RNASET2: variants seen among roughly 807,000 people sequenced by gnomAD.
RNASET2 encodes the protein ribonuclease T2.
RNASET2 carries 28 observed loss-of-function variants against 33.9 expected under a neutral mutation model. That is an observed-to-expected ratio of 0.83 (90% confidence interval 0.61 to 1.13). The LOEUF (loss-of-function observed/expected upper bound fraction) is 1.13, where lower values mean the gene tolerates loss of function less well. Among genes scored for constraint, RNASET2 ranks in the 50% most tolerant of loss-of-function variants. The pLI is 0.00. For synonymous variants in RNASET2, 123 were observed against 121.0 expected (o/e 1.02, Z -0.11); for missense variants, 330 against 319.9 (o/e 1.03, Z -0.24).
In RNASET2 at chr6:166,924,992, G is replaced by A. The variant is rs867995369; in HGVS notation, c.*4596C>T. 2.0e-5 allele frequency among the ~76,000 whole-genome samples: 3 copies of A among 150,936 alleles called. No individual in the cohort carries two copies. Among genetic ancestry groups the A allele is most frequent in the East Asian group, 1.9e-4 (1 of 5,168 alleles). On this transcript the variant is annotated 3_prime_UTR_variant, in exon 9 of 9. Transcript: ENST00000508775. Reference sequence around the variant, plus strand: ...GAAGTACAGGCCTCACCTCCACCGCGCAGGCCTCATCTACGCCATCCAGCC... The same window carrying A: ...GAAGTACAGGCCTCACCTCCACCGCACAGGCCTCATCTACGCCATCCAGCC...
At chr6:166,931,457 CCAA>C (rs983717532) in intron 7 of RNASET2, 2 of 405,886 alleles carry the variant, frequency 4.9e-6, no homozygotes, top group Admixed American at 7.8e-5. Flanking sequence ...CCCTCATCCA[CCAA>C]CAACTACTCT....
rs930073930 is a variant in RNASET2 at position 166,927,730 on chromosome 6, A to G, written c.*1858T>C. Among the ~76,000 whole-genome samples the G allele has an allele frequency of 6.6e-6, 1 of 151,610 alleles. No homozygotes were observed. The highest frequency in any genetic ancestry group is 2.4e-5 in the African/African-American group (1 of 41,268). ...AAATGACTCAAAAAAAAAAAAAAAAAAAAAAAGAATTGACATCATTTAAAG... is the reference window on the plus strand; with the variant it reads ...AAATGACTCAAAAAAAAAAAAAAAAGAAAAAAGAATTGACATCATTTAAAG... On this transcript the variant is annotated 3_prime_UTR_variant, in exon 9 of 9. Coordinates refer to ENST00000508775, the MANE Select transcript of RNASET2 (RefSeq NM_003730.6).
intron 5 of RNASET2, among the ~76,000 whole-genome samples, chr6:166,939,850 C>A (rs1405584019): frequency 5.9e-5 from 9 of 152,186 alleles, no homozygotes; most frequent in Non-Finnish European, 7.3e-5. Context: ...AATTTGTATT[C>A]CAGAAAAATG....
At chr6:166,952,792 G>A (rs1172377022) in intron 1 of RNASET2, 3 of 480,210 alleles carry the variant, frequency 6.2e-6, no homozygotes, top group Non-Finnish European at 1.2e-5. Flanking sequence ...GGGGAGGAGG[G>A]GAGAGGAGGG....
chr6:166,938,988 T>C lies in RNASET2; in HGVS notation c.353A>G (p.His118Arg). 6.2e-7 allele frequency: 1 copy of C among 1,613,290 alleles called. No homozygotes were observed. The highest frequency in any genetic ancestry group is 8.5e-7 in the Non-Finnish European group (1 of 1,179,812). ...SRFWKHEWEKHGTCAAQVDAL... is the reference protein window; with the variant it reads ...SRFWKHEWEKRGTCAAQVDAL... Reference sequence around the variant, plus strand: ...ATCCACCTGGGCGGCGCAGGTCCCATGCTTTTCCCACTCATGCTTCCTGTG... The same window carrying C: ...ATCCACCTGGGCGGCGCAGGTCCCACGCTTTTCCCACTCATGCTTCCTGTG... The change falls in exon 6 of 9, where the codon CAT becomes CGT. Residue 118 changes from histidine to arginine, a missense_variant. Physicochemically the swap from His to Arg is conservative, Grantham distance 29. Transcript: ENST00000508775.
At chr6:166,941,019 T>C (rs1034228708) in intron 5 of RNASET2, among the ~76,000 whole-genome samples, 4 of 152,158 alleles carry the variant, frequency 2.6e-5, no homozygotes, top group Non-Finnish European at 5.9e-5. Context: ...CCAACCCCCA[T>C]GGAGTTAGTC....
chr6:166,956,249 AG>A lies in RNASET2; in HGVS notation c.-68del, dbSNP rs1779164089. The A allele has an allele frequency of 3.9e-5, 55 of 1,395,262 alleles. 1 individual carries two copies. The South Asian group carries it at 6.7e-4, about 17-fold the overall frequency. The allele number at this position is 1,395,262 out of a possible 1,614,324, so 86.4% of individuals were successfully genotyped here. The stretch of plus-strand genomic sequence containing the variant: ...GCTCCCACTTCCCACCTGCTGCCCG[AG>A]GAAGACTTCCGGGAGAAACGCTGTC... On this transcript the variant is annotated 5_prime_UTR_variant, in exon 1 of 9. Transcript: ENST00000508775.
At position 166,934,150 on chromosome 6, in the gene RNASET2, T is replaced by G. The variant is rs749067371; in HGVS notation, c.447-14A>C. 6.5e-7 allele frequency: 1 copy of G among 1,541,978 alleles called. No individual in the cohort carries two copies. On this transcript the variant is annotated splice_polypyrimidine_tract_variant and intron_variant, in intron 6 of 8. Coordinates refer to ENST00000508775, the MANE Select transcript of RNASET2 (RefSeq NM_003730.6). ...TTTAGAAGCACACTAAAATTTAAAT[T>G]TAAAAAAGTTAGCTGTATAATGAAG...
At position 166,925,476 on chromosome 6, in the gene RNASET2, C is replaced by T. The variant is rs1374216636; in HGVS notation, c.*4112G>A. On this transcript the variant is annotated 3_prime_UTR_variant, in exon 9 of 9. Transcript: ENST00000508775. ...TGCCACCCAGGCCTCATCTATACTG[C>T]CCAGCCCTCACCTCCCCTGTCCAGC... Among the ~76,000 whole-genome samples the T allele has an allele frequency of 1.3e-5, 2 of 151,402 alleles. No homozygotes were observed. The highest frequency in any genetic ancestry group is 2.0e-4 in the East Asian group (1 of 5,118).
At chr6:166,931,267 C>G (rs1778432344) in intron 7 of RNASET2, 149 bp from the exon 8 acceptor site, 1 of 689,250 alleles carries the variant, frequency 1.5e-6, no homozygotes, top group Non-Finnish European at 2.6e-6. Flanking sequence ...ATGATGCCCC[C>G]ACCTCCACCA....
chr6:166,931,353 C>T, intron 7 of RNASET2: 3 of 569,662 alleles, frequency 5.3e-6, no homozygotes, highest in South Asian at 4.0e-5. Context: ...GTTTTCCTCT[C>T]TGCTCCTGTT....
At chr6:166,934,608 G>A (rs983360135) in intron 6 of RNASET2, 3 of 200,992 alleles carry the variant, frequency 1.5e-5, no homozygotes, top group Non-Finnish European at 3.1e-5. Context: ...CATTTCTACT[G>A]TGCCTTTTCT....
intron 1 of RNASET2, chr6:166,955,797 C>T (rs1583241877): frequency 2.0e-6 from 2 of 980,410 alleles, no homozygotes; most frequent in South Asian, 9.4e-5. Context: ...CCCACTCCTT[C>T]CCAGAGGTCA....
intron 3 of RNASET2, 196 bp downstream of exon 3, chr6:166,948,374 C>T: frequency 1.5e-6 from 1 of 651,004 alleles, no homozygotes; most frequent in Middle Eastern, 3.0e-4. Context: ...TGTTATTGTT[C>T]TATGAAGACA....
intron 1 of RNASET2, 31 bp downstream of exon 1, chr6:166,956,066 G>A (rs1424017018): frequency 6.5e-7 from 1 of 1,540,294 alleles, no homozygotes; most frequent in South Asian, 1.2e-5. Context: ...CGGCTCCCAC[G>A]CTCCCCACTT....
At position 166,948,284 on chromosome 6, in the gene RNASET2, T is replaced by C. The variant is rs564412093; in HGVS notation, c.203+286A>G. The C allele has an allele frequency of 5.4e-4, 245 of 451,984 alleles. 2 individuals are homozygous for C. Among genetic ancestry groups the C allele is most frequent in the African/African-American group, 4.7e-3 (233 of 49,548 alleles). 28.0% of individuals were successfully genotyped at this position (451,984 alleles called of 1,614,324 possible). A position where few individuals can be genotyped will look rare whatever the true frequency, so the allele number is the denominator to read the frequency against. On this transcript the variant is annotated intron_variant, in intron 3 of 8. Coordinates refer to ENST00000508775, the MANE Select transcript of RNASET2 (RefSeq NM_003730.6). ...TCACTTGAACCTGGGAGGTGGAGGT[T>C]GCAGTGAGCCAAGATCGTGCCACTG...
At position 166,922,280 on chromosome 6, in the gene RNASET2, G is replaced by A. The variant is rs189387068; in HGVS notation, c.*7308C>T. ...TTACTCACTGACACACTCAAAAAGCGCGGTGATCTGAGTTATAGTAAAGCC... is the reference window on the plus strand; with the variant it reads ...TTACTCACTGACACACTCAAAAAGCACGGTGATCTGAGTTATAGTAAAGCC... On this transcript the variant is annotated 3_prime_UTR_variant, in exon 9 of 9. Coordinates refer to ENST00000508775, the MANE Select transcript of RNASET2 (RefSeq NM_003730.6). Among the ~76,000 whole-genome samples, 26 of 152,246 alleles carry A rather than the reference G, an allele frequency of 1.7e-4. No individual in the cohort carries two copies. Among genetic ancestry groups the A allele is most frequent in the East Asian group, 7.7e-4 (4 of 5,184 alleles).
At chr6:166,939,646 A>G (rs1191296872) in intron 5 of RNASET2, among the ~76,000 whole-genome samples, 1 of 152,210 alleles carries the variant, frequency 6.6e-6, no homozygotes, top group Non-Finnish European at 1.5e-5. Flanking sequence ...GCAGTCAGGG[A>G]ATTTCGCAGA....
At chr6:166,931,312 C>A (rs1446904051) in intron 7 of RNASET2, 194 bp from the exon 8 acceptor site, 2 of 616,490 alleles carry the variant, frequency 3.2e-6, no homozygotes, top group East Asian at 2.8e-5. Context: ...TGGGCTTCAT[C>A]CCCAGACCAC....
Sources: gnomAD v4.1 joint callset for allele counts (sites outside exome capture counted in the v4.1 genomes callset) on GRCh38, gnomAD v4.1.1 for gene constraint, MANE v1.5 for transcripts, NCBI Gene and HGNC (gene_info 2026-07-23, HGNC 2026-07-21) for gene names.